Variants in DHX57 observed in about 807,000 individuals in gnomAD.
DHX57 encodes DExH-box helicase 57, also known as putative ATP-dependent RNA helicase DHX57.
A neutral mutation model predicts 156.2 loss-of-function variants in DHX57; 105 were observed. The ratio of observed to expected loss-of-function variants is 0.67; its 90% CI spans 0.57 to 0.79. DHX57 has a LOEUF of 0.79. Ranked by LOEUF, DHX57 falls within the 30% of genes least tolerant of loss-of-function variation. DHX57 has a pLI of 0.00. For missense variants in DHX57, 1,847 were observed against 1,661.9 expected, an observed-to-expected ratio of 1.11 and a Z score of -1.94; for synonymous variants, 704 against 595.6, an observed-to-expected ratio of 1.18 and a Z score of -2.65.
At position 38,815,131 on chromosome 2, in the gene DHX57, A is replaced by G. The variant is rs148604631; in HGVS notation, c.3606+390T>C. 2.7e-3 allele frequency among the ~76,000 whole-genome samples: 413 copies of G among 151,886 alleles called. 3 individuals are homozygous for G. The highest frequency in any genetic ancestry group is 4.4e-3 in the Non-Finnish European group (300 of 67,964). On this transcript the variant is annotated intron_variant, in intron 20 of 23. Transcript: ENST00000457308. ...GCCCAGGCTAGAGTGCAGTGTCTCA[A>G]TCTTAGCCCACTGCAACCTCTGCTT...
At position 38,802,776 on chromosome 2, in the gene DHX57, C is replaced by G. The variant is rs372355547; in HGVS notation, c.3956G>C (p.Arg1319Thr). The change falls in exon 23 of 24, where the codon AGA (arginine) becomes ACA (threonine). Residue 1319 changes from arginine (R) to threonine (T), a missense_variant. Transcript: ENST00000457308. ...GGGQVNVQLQ[R>T]GEFVVSLDDG... ...ATCCAGGGAGACAACGAACTCTCCT[C>G]TTTGAAGCTGCACATTCACTTGGCC... is the stretch of plus-strand genomic sequence containing the variant. 11 of 1,614,084 alleles carry G rather than the reference C, an allele frequency of 6.8e-6. No homozygotes were observed. Among genetic ancestry groups the G allele is most frequent in the Non-Finnish European group, 9.3e-6 (11 of 1,180,050 alleles).
chr2:38,836,157 CAG>C (rs886272245), intron 13 of DHX57, among the ~76,000 whole-genome samples: 25 of 152,314 alleles, frequency 1.6e-4, no homozygotes, highest in African/African-American at 5.1e-4. Context: ...CCAAAGCAAA[CAG>C]GGGAAGGATT....
chr2:38,826,656 GGAT>G lies in DHX57; in HGVS notation c.2670_2672del (p.Leu890_Ser891delinsPhe). 6.2e-7 allele frequency: 1 copy of G among 1,614,042 alleles called. No homozygotes were observed. ...CAAACACAGCCTGCTGCTCTTCACT[GGAT>G]AAAGATGAATGAAGTGGGTGAATAA... On this transcript the variant is annotated inframe_deletion, in exon 15 of 24. Transcript: ENST00000457308.
chr2:38,839,162 C>G (rs563947459), intron 12 of DHX57, among the ~76,000 whole-genome samples: 1 of 151,794 alleles, frequency 6.6e-6, no homozygotes, highest in African/African-American at 2.4e-5. Context: ...GAACTCCTAA[C>G]CTCGTGATCC....
intron 16 of DHX57, among the ~76,000 whole-genome samples, chr2:38,824,290 A>G (rs973029103): frequency 2.0e-5 from 3 of 152,236 alleles, no homozygotes; most frequent in Admixed American, 6.5e-5. Flanking sequence ...TTCTACTTGT[A>G]TGAGGTATCT....
chr2:38,845,305 A>G (rs2124884463), intron 11 of DHX57, among the ~76,000 whole-genome samples: 1 of 152,312 alleles, frequency 6.6e-6, no homozygotes, highest in South Asian at 2.1e-4. Flanking sequence ...TTTCCTCAGA[A>G]ACTCATATTC....
chr2:38,807,501 G>T (rs1308385046), intron 21 of DHX57, among the ~76,000 whole-genome samples: 4 of 151,796 alleles, frequency 2.6e-5, no homozygotes, highest in Admixed American at 2.0e-4. Context: ...GGGACTACAG[G>T]CGCCCGCCGC....
chr2:38,875,837 G>T lies in DHX57; in HGVS notation c.-57C>A. 1 of 392,632 alleles carries T rather than the reference G, an allele frequency of 2.5e-6. No homozygotes were observed. The highest frequency in any genetic ancestry group is 4.4e-5 in the Admixed American group (1 of 22,570). The allele number at this position is 392,632 out of a possible 1,614,324, so 24.3% of individuals were successfully genotyped here. On this transcript the variant is annotated 5_prime_UTR_variant, in exon 1 of 24. Transcript: ENST00000457308. ...CCGGCTGTCGGGAGGTGCTGCCCAA[G>T]GGTCAGAGGTCCAAACTGGACTTGG...
At position 38,861,457 on chromosome 2, in the gene DHX57, T is replaced by C; in HGVS notation, c.953A>G (p.Lys318Arg). The C allele has an allele frequency of 6.2e-7, 1 of 1,614,090 alleles. No individual in the cohort carries two copies. The highest frequency in any genetic ancestry group is 8.5e-7 in the Non-Finnish European group (1 of 1,180,022). ...YLKGNCKFGS[K>R]CRFKHEVPPN... ...GGGCACTTCATGTTTGAATCTGCAT[T>C]TTGATCCAAATTTACAATTTCCTTT... is the stretch of plus-strand genomic sequence containing the variant. The change falls in exon 5 of 24, where the codon AAA (lysine) becomes AGA (arginine). Residue 318 changes from lysine (K) to arginine (R), a missense_variant. By Grantham distance (26) the Lys-to-Arg change is conservative (BLOSUM62 2). Coordinates refer to ENST00000457308, the MANE Select transcript of DHX57 (RefSeq NM_198963.3).
At chr2:38,854,963 T>A (rs765194734) in intron 8 of DHX57, 94 bp downstream of exon 8, 2 of 1,189,786 alleles carry the variant, frequency 1.7e-6, no homozygotes, top group East Asian at 2.3e-5. Flanking sequence ...AAAGTATATA[T>A]CCCAAATTGC....
rs150071497 is a variant in DHX57, at chr2:38,864,432, A to G, written c.225-913T>C. Among the ~76,000 whole-genome samples, 456 of 152,192 alleles carry G rather than the reference A, an allele frequency of 3.0e-3. 5 individuals are homozygous for G. The highest frequency in any genetic ancestry group is 0.01 in the Middle Eastern group (3 of 294). The stretch of plus-strand genomic sequence containing the variant: ...TACACAGCATATATAATCTCTTATG[A>G]TTTGTCTGATCATTAGGAAATGATC... On this transcript the variant is annotated intron_variant, in intron 2 of 23. Transcript: ENST00000457308.
chr2:38,829,830 A>C (rs1303584502), intron 13 of DHX57, among the ~76,000 whole-genome samples: 3 of 152,192 alleles, frequency 2.0e-5, no homozygotes, highest in Non-Finnish European at 4.4e-5. Context: ...AGAAAAAGAA[A>C]CTATAATTGA....
chr2:38,814,392 T>A (rs1323124132), intron 20 of DHX57, among the ~76,000 whole-genome samples: 1 of 152,206 alleles, frequency 6.6e-6, no homozygotes, highest in Non-Finnish European at 1.5e-5. Flanking sequence ...ACAGTCACAT[T>A]GGACCCACTC....
rs1665188379 is a variant in DHX57, at chr2:38,868,345, T to C, written c.61A>G (p.Arg21Gly). ...PGKGGGKGSSRGGRGGRSHAS... is the reference protein window; with the variant it reads ...PGKGGGKGSSGGGRGGRSHAS... The stretch of plus-strand genomic sequence containing the variant: ...TGACTCCTGCCTCCTCTTCCTCCTC[T>C]AGAAGACCCTTTTCCACCTCCTTTG... The change falls in exon 2 of 24, where the codon AGA (arginine) becomes GGA (glycine). Residue 21 changes from arginine to glycine, a missense_variant. Arg to Gly is a moderately radical substitution (Grantham distance 125). Coordinates refer to ENST00000457308, the MANE Select transcript of DHX57 (RefSeq NM_198963.3). The C allele has an allele frequency of 1.9e-6, 3 of 1,613,274 alleles. 1 individual carries two copies. In the South Asian group the frequency reaches 3.3e-5, roughly 18 times the overall value.
In DHX57 at chr2:38,847,202, G is replaced by A. The variant is rs1672333448; in HGVS notation, c.2165-129C>T. On this transcript the variant is annotated intron_variant, in intron 10 of 23. Coordinates refer to ENST00000457308, the MANE Select transcript of DHX57 (RefSeq NM_198963.3). ...TCCTATTTGTTCTGTGGTCTTAAAAGTATCAAGAAGAAAAGTTCTGGTAAC... is the reference window on the plus strand; with the variant it reads ...TCCTATTTGTTCTGTGGTCTTAAAAATATCAAGAAGAAAAGTTCTGGTAAC... 3 of 715,986 alleles carry A rather than the reference G, an allele frequency of 4.2e-6. No individual in the cohort carries two copies. The South Asian group carries it at 6.9e-5, about 16-fold the overall frequency. The allele number at this position is 715,986 out of a possible 1,614,324, so 44.4% of individuals were successfully genotyped here.
At chr2:38,836,931 C>CA (rs1558381092) in intron 13 of DHX57, among the ~76,000 whole-genome samples, 1 of 152,042 alleles carries the variant, frequency 6.6e-6, no homozygotes, top group African/African-American at 2.4e-5. Context: ...TGGCTCATGG[C>CA]AGCTTCCACC....
At chr2:38,850,255 G>A (rs1013588839) in intron 9 of DHX57, among the ~76,000 whole-genome samples, 1 of 152,108 alleles carries the variant, frequency 6.6e-6, no homozygotes, top group African/African-American at 2.4e-5. Context: ...GGAGTAGTAA[G>A]AGGGACTTTC....
Position 38,862,254 on chromosome 2 carries a change from G to A in DHX57, c.463C>T (p.Pro155Ser), listed in dbSNP as rs751844457. 12 of 1,613,774 alleles carry A rather than the reference G, an allele frequency of 7.4e-6. No homozygotes were observed. The Admixed American group carries it at 2.0e-4, about 27-fold the overall frequency. Reference sequence around the variant, plus strand: ...GGATCCAAGTCGGGAACGAGGGAAGGTTCCTGTCCAGCTGGCCAGTACCGC... The same window carrying A: ...GGATCCAAGTCGGGAACGAGGGAAGATTCCTGTCCAGCTGGCCAGTACCGC... ...DERYWPAGQEPSLVPDLDPLE... is the reference protein window; with the variant it reads ...DERYWPAGQESSLVPDLDPLE... The change falls in exon 4 of 24, where the codon CCT becomes TCT. Residue 155 changes from proline to serine, a missense_variant. Physicochemically the swap from Pro to Ser is moderately conservative, Grantham distance 74. Transcript: ENST00000457308.
intron 20 of DHX57, among the ~76,000 whole-genome samples, chr2:38,814,320 C>A (rs575083959): frequency 6.6e-6 from 1 of 152,124 alleles, no homozygotes; most frequent in Non-Finnish European, 1.5e-5. Context: ...AAAAAGAGCA[C>A]CTAATTTCTA....
Sources: allele counts gnomAD v4.1 joint callset (sites outside exome capture counted in the v4.1 genomes callset), GRCh38; gene constraint gnomAD v4.1.1; transcripts MANE v1.5; gene names NCBI Gene and HGNC (gene_info 2026-07-23, HGNC 2026-07-21).